DNASE1L3: variants seen among roughly 807,000 people sequenced by gnomAD.
DNASE1L3 encodes the protein deoxyribonuclease 1L3, also known as deoxyribonuclease gamma.
A neutral mutation model predicts 30.9 loss-of-function variants in DNASE1L3; 27 were observed. The observed-to-expected ratio is 0.87, with a 90% CI of 0.64 to 1.20. The LOEUF is 1.20. Ranked by LOEUF, DNASE1L3 falls within the 50% of genes most tolerant of loss-of-function variation. The pLI, the probability that DNASE1L3 is intolerant of heterozygous loss-of-function variation, is 0.00. For synonymous variants in DNASE1L3, 135 were observed against 138.0 expected (o/e 0.98, Z 0.15); for missense variants, 364 against 378.2 (o/e 0.96, Z 0.31).
chr3:58,207,375 A>G (rs903599764), intron 2 of DNASE1L3, among the ~76,000 whole-genome samples: 1 of 151,480 alleles, frequency 6.6e-6, no homozygotes, highest in Non-Finnish European at 1.5e-5. Flanking sequence ...TTTAAAAAGT[A>G]CTAAAATAAG....
chr3:58,201,284 C>T (rs2097400407), intron 4 of DNASE1L3, among the ~76,000 whole-genome samples, 175 bp from the exon 5 acceptor site: 1 of 152,198 alleles, frequency 6.6e-6, no homozygotes, highest in East Asian at 1.9e-4. Flanking sequence ...GGTCATTAGG[C>T]TGCCTATTTT....
At chr3:58,203,821 G>C (rs1029294232) in intron 4 of DNASE1L3, among the ~76,000 whole-genome samples, 1 of 151,894 alleles carries the variant, frequency 6.6e-6, no homozygotes, top group Non-Finnish European at 1.5e-5. Context: ...AAAAAAAAAA[G>C]AACATGAGCT....
chr3:58,195,868 T>A (rs1297854736), intron 6 of DNASE1L3, among the ~76,000 whole-genome samples: 1 of 152,120 alleles, frequency 6.6e-6, no homozygotes, highest in African/African-American at 2.4e-5. Context: ...AAGAAATGAA[T>A]CTTTAAAATG....
At chr3:58,209,396 C>T (rs1480358129) in intron 1 of DNASE1L3, among the ~76,000 whole-genome samples, 2 of 152,222 alleles carry the variant, frequency 1.3e-5, no homozygotes, top group African/African-American at 2.4e-5. Flanking sequence ...CCAGGCTCCA[C>T]GGGCCATGTG....
intron 6 of DNASE1L3, among the ~76,000 whole-genome samples, chr3:58,196,465 A>G (rs2097397446): frequency 6.7e-6 from 1 of 149,736 alleles, no homozygotes; most frequent in Non-Finnish European, 1.5e-5. Context: ...AGGCAGGAGA[A>G]TGGCGTGAAC....
chr3:58,205,002 C>T (rs1286560064), intron 3 of DNASE1L3, 121 bp from the exon 4 acceptor site: 3 of 867,062 alleles, frequency 3.5e-6, no homozygotes, highest in East Asian at 2.7e-5. Flanking sequence ...AGCACAGGAT[C>T]GTTTTCCTGA....
intron 6 of DNASE1L3, among the ~76,000 whole-genome samples, chr3:58,194,171 G>C (rs1304222841): frequency 6.6e-6 from 1 of 152,194 alleles, no homozygotes; most frequent in African/African-American, 2.4e-5. Context: ...GGGTGATGCA[G>C]TTGTGGTCTA....
At chr3:58,206,389 T>C (rs988448300) in intron 2 of DNASE1L3, among the ~76,000 whole-genome samples, 6 of 152,212 alleles carry the variant, frequency 3.9e-5, no homozygotes, top group Non-Finnish European at 2.9e-5. Flanking sequence ...GGACTTCAGA[T>C]GCAGTATGCT....
chr3:58,207,426 C>G (rs1207598408), intron 2 of DNASE1L3, among the ~76,000 whole-genome samples: 1 of 139,578 alleles, frequency 7.2e-6, no homozygotes, highest in Non-Finnish European at 1.5e-5. Context: ...CCTTTCACCA[C>G]AGCTCTCTGA....
Position 58,201,029 on chromosome 3 carries a change from A to G in DNASE1L3, c.514T>C (p.Tyr172His), listed in dbSNP as rs1247935534. The change falls in exon 5 of 8, where the codon TAC (tyrosine) becomes CAC (histidine). Residue 172 changes from tyrosine (Y) to histidine (H), a missense_variant. Tyr to His is a moderately conservative substitution (Grantham distance 83). Coordinates refer to ENST00000394549, the MANE Select transcript of DNASE1L3 (RefSeq NM_004944.4). ...VKEIDELVEV[Y>H]TDVKHRWKAE... ...TTCCAGCGGTGTTTCACGTCCGTGTAGACCTCAACCAACTCATCGATCTCC... is the reference window on the plus strand; with the variant it reads ...TTCCAGCGGTGTTTCACGTCCGTGTGGACCTCAACCAACTCATCGATCTCC... 6.2e-7 allele frequency: 1 copy of G among 1,613,528 alleles called. No individual in the cohort carries two copies. Among genetic ancestry groups the G allele is most frequent in the East Asian group, 2.2e-5 (1 of 44,864 alleles).
At chr3:58,194,551 C>T (rs2097396046) in intron 6 of DNASE1L3, among the ~76,000 whole-genome samples, 1 of 150,256 alleles carries the variant, frequency 6.7e-6, no homozygotes, top group African/African-American at 2.5e-5. Context: ...AACTCGTGAC[C>T]TTAGGTGATC....
intron 6 of DNASE1L3, among the ~76,000 whole-genome samples, chr3:58,194,314 CTTTTT>C (rs11358965): frequency 1.2e-3 from 103 of 89,066 alleles, no homozygotes; most frequent in African/African-American, 4.5e-3. Flanking sequence ...GCACAACTAA[CTTTTT>C]TTTTTTTTTT....
chr3:58,203,264 T>C (rs13070033), intron 4 of DNASE1L3, among the ~76,000 whole-genome samples: 49,158 of 152,016 alleles, frequency 0.32, 8,524 homozygotes, highest in East Asian at 0.63. Flanking sequence ...ACTGCACTCC[T>C]CCATCCTCTT....
intron 7 of DNASE1L3, 81 bp downstream of exon 7, chr3:58,193,262 A>G (rs2097395234): frequency 5.8e-6 from 9 of 1,545,518 alleles, no homozygotes; most frequent in Non-Finnish European, 8.0e-6. Flanking sequence ...AATTTTTCAT[A>G]GAGATGGAGT....
At chr3:58,201,223 TC>T in intron 4 of DNASE1L3, 114 bp from the exon 5 acceptor site, 1 of 692,624 alleles carries the variant, frequency 1.4e-6, no homozygotes, top group Non-Finnish European at 2.3e-6. Flanking sequence ...ATTATCTGGG[TC>T]CCCAGTTCCC....
chr3:58,197,890 C>T lies in DNASE1L3; in HGVS notation c.635G>A (p.Arg212Lys), dbSNP rs2097398342. 1.2e-6 allele frequency: 2 copies of T among 1,614,206 alleles called. No individual in the cohort carries two copies. The highest frequency in any genetic ancestry group is 1.7e-6 in the Non-Finnish European group (2 of 1,180,034). ...TTGGTCCCCGATCAGCCAAACAAAC[C>T]TGGGGTCAGTCCTCAAGCGGATGTT... ...WKNIRLRTDP[R>K]FVWLIGDQED... Residue 212 changes from arginine (R) to lysine (K), a missense_variant, in exon 6 of 8, where the codon AGG (arginine) becomes AAG (lysine). Arg to Lys is a conservative substitution (Grantham distance 26). Transcript: ENST00000394549. This position sits in a 1 kb window ranked among gnomAD's most constrained non-coding sequence, Gnocchi z 5.3.
At chr3:58,193,495 CA>C in intron 6 of DNASE1L3, 56 bp from the exon 7 acceptor site, 2 of 1,468,006 alleles carry the variant, frequency 1.4e-6, no homozygotes, top group Non-Finnish European at 1.9e-6. Context: ...TTGCTGAGAT[CA>C]AACCAAGGTC....
At chr3:58,193,252 A>T (rs1430735427) in intron 7 of DNASE1L3, 91 bp downstream of exon 7, 1 of 1,528,834 alleles carries the variant, frequency 6.5e-7, no homozygotes, top group Non-Finnish European at 9.0e-7. Flanking sequence ...AATTTTTTTG[A>T]ATTTTTCATA....
In DNASE1L3 at chr3:58,198,000, T is replaced by G; in HGVS notation, c.547-22A>C. On this transcript the variant is annotated intron_variant, in intron 5 of 7. Coordinates refer to ENST00000394549, the MANE Select transcript of DNASE1L3 (RefSeq NM_004944.4). The surrounding 1 kb of genome is among the most constrained non-coding windows in gnomAD (Gnocchi z 5.3). ...AATTCTAAAAGACAAGATTTGGAAC[T>G]GTCACCTGGTGGGTGCTGCTGCAGA... The G allele has an allele frequency of 6.3e-7, 1 of 1,589,612 alleles. No homozygotes were observed. Among genetic ancestry groups the G allele is most frequent in the Non-Finnish European group, 8.6e-7 (1 of 1,167,472 alleles).
Sources: allele counts gnomAD v4.1 joint callset (sites outside exome capture counted in the v4.1 genomes callset), GRCh38; gene constraint gnomAD v4.1.1; non-coding constraint Gnocchi (gnomAD v3.1); transcripts MANE v1.5; gene names NCBI Gene and HGNC (gene_info 2026-07-23, HGNC 2026-07-21).